Variants in ANGEL2 observed in about 807,000 individuals in gnomAD.
The protein encoded by ANGEL2 is angel homolog 2.
ANGEL2 carries 41 observed loss-of-function variants against 66.0 expected under a neutral mutation model. That is an observed-to-expected ratio of 0.62 (90% CI 0.48 to 0.81). The LOEUF is 0.81. ANGEL2 is among the 30% of genes least tolerant of loss of function. The pLI is 0.00. For missense variants in ANGEL2, 561 were observed against 641.6 expected, an observed-to-expected ratio of 0.87 and a Z score of 1.36; for synonymous variants, 208 against 226.5, an observed-to-expected ratio of 0.92 and a Z score of 0.73.
Position 212,997,267 on chromosome 1 carries a change from AT to A in ANGEL2, c.1370del (p.His457LeufsTer11). On this transcript the variant is annotated frameshift_variant, in exon 8 of 9. Transcript: ENST00000366962. LOFTEE classifies it high-confidence loss of function. The part of the protein sequence containing the change: ...HHFSLSSVYS[H>X]YFPDTGIPEV... ...CTGGAATTCCAGTGTCAGGAAAGTA[AT>A]GTGAATAAACAGATGACAAACTGAA... 6.2e-7 allele frequency: 1 copy of A among 1,613,606 alleles called. No individual in the cohort carries two copies. The highest frequency in any genetic ancestry group is 8.5e-7 in the Non-Finnish European group (1 of 1,179,528).
At position 213,013,490 on chromosome 1, in the gene ANGEL2, TTCC is replaced by T. The variant is rs1334305613; in HGVS notation, c.60-75_60-73del. On this transcript the variant is annotated intron_variant, in intron 1 of 8. Coordinates refer to ENST00000366962, the MANE Select transcript of ANGEL2 (RefSeq NM_144567.5). Reference sequence around the variant, plus strand: ...TATAGTTTACAAAATCTAAGCCTGTTTCCTCAAGGGAAGGTAATGTCTAATATT... The same window carrying T: ...TATAGTTTACAAAATCTAAGCCTGTTTCAAGGGAAGGTAATGTCTAATATT... 28 of 1,352,004 alleles carry T rather than the reference TTCC, an allele frequency of 2.1e-5. No individual in the cohort carries two copies. The Middle Eastern group carries it at 7.5e-4, about 36-fold the overall frequency. The allele number at this position is 1,352,004 out of a possible 1,614,324, so 83.8% of individuals were successfully genotyped here.
At chr1:213,010,644 G>T (rs1485280874) in intron 2 of ANGEL2, among the ~76,000 whole-genome samples, 1 of 151,924 alleles carries the variant, frequency 6.6e-6, no homozygotes, top group Non-Finnish European at 1.5e-5. Context: ...GTCTATGATG[G>T]TTTTAGCCAA....
At chr1:213,014,346 C>T (rs893746221) in intron 1 of ANGEL2, among the ~76,000 whole-genome samples, 6 of 152,154 alleles carry the variant, frequency 3.9e-5, no homozygotes, top group South Asian at 4.1e-4. Flanking sequence ...GTTTAAGTTG[C>T]GTTTACTGTT....
Position 212,994,298 on chromosome 1 carries a change from A to C in ANGEL2, c.*743T>G, listed in dbSNP as rs2075940542. On this transcript the variant is annotated 3_prime_UTR_variant, in exon 9 of 9. Transcript: ENST00000366962. ...ACTCCATCTCAAAAAATAAAATAAA[A>C]TAAAAATAAATAAATAAAAATGCTA... 1 of 152,276 alleles carries C rather than the reference A, an allele frequency of 6.6e-6. No individual in the cohort carries two copies. Among genetic ancestry groups the C allele is most frequent in the African/African-American group, 2.4e-5 (1 of 41,440 alleles). 9.4% of individuals were successfully genotyped at this position (152,276 alleles called of 1,614,324 possible). A position where few individuals can be genotyped will look rare whatever the true frequency, so the allele number is the denominator to read the frequency against.
Position 213,005,180 on chromosome 1 carries a change from CAG to C in ANGEL2, c.985_986del (p.Leu329GlyfsTer22). 2.5e-6 allele frequency: 4 copies of C among 1,614,232 alleles called. No individual in the cohort carries two copies. Among genetic ancestry groups the C allele is most frequent in the Non-Finnish European group, 3.4e-6 (4 of 1,180,034 alleles). ...GGTGGGCAACACTGGAAATCTCTGCCAGTAGCATTGCCAATTGCGTCAGCTTA... is the reference window on the plus strand; with the variant it reads ...GGTGGGCAACACTGGAAATCTCTGCCTAGCATTGCCAATTGCGTCAGCTTA... ...DIKLTQLAML[L>X]AEISSVAHQK... On this transcript the variant is annotated frameshift_variant, in exon 5 of 9. Coordinates refer to ENST00000366962, the MANE Select transcript of ANGEL2 (RefSeq NM_144567.5). LOFTEE classifies it high-confidence loss of function.
intron 7 of ANGEL2, among the ~76,000 whole-genome samples, chr1:212,999,578 T>C (rs985877117): frequency 6.6e-6 from 1 of 152,204 alleles, no homozygotes; most frequent in African/African-American, 2.4e-5. Context: ...TAAATGAGAA[T>C]TGGTCCCTAA....
At chr1:213,005,860 C>A (rs917322150) in intron 4 of ANGEL2, among the ~76,000 whole-genome samples, 1 of 152,128 alleles carries the variant, frequency 6.6e-6, no homozygotes, top group Non-Finnish European at 1.5e-5. Flanking sequence ...AGGGCCTTTC[C>A]CTTGCTATTT....
chr1:212,996,166 G>A (rs1458702963), intron 8 of ANGEL2, among the ~76,000 whole-genome samples: 2 of 152,088 alleles, frequency 1.3e-5, no homozygotes, highest in Non-Finnish European at 2.9e-5. Flanking sequence ...AATTAGCCGG[G>A]CATGGTGGCG....
At position 212,993,004 on chromosome 1, in the gene ANGEL2, T is replaced by C. The variant is rs1196938621; in HGVS notation, c.*2037A>G. The C allele has an allele frequency of 6.6e-6, 1 of 152,180 alleles. No individual in the cohort carries two copies. The highest frequency in any genetic ancestry group is 1.9e-4 in the East Asian group (1 of 5,192). 9.4% of individuals were successfully genotyped at this position (152,180 alleles called of 1,614,324 possible). A position where few individuals can be genotyped will look rare whatever the true frequency, so the allele number is the denominator to read the frequency against. ...GAAATCCTAGAACTATAATTAATAC[T>C]GTAATTAAAATCCCCCCAAAGGCCA... On this transcript the variant is annotated 3_prime_UTR_variant, in exon 9 of 9. Transcript: ENST00000366962.
At chr1:213,009,386 G>T (rs758575984) in intron 2 of ANGEL2, among the ~76,000 whole-genome samples, 31 of 152,134 alleles carry the variant, frequency 2.0e-4, no homozygotes, top group Non-Finnish European at 7.3e-5. Context: ...GAGAATTTAT[G>T]AGTTCAAAAG....
At position 213,013,290 on chromosome 1, in the gene ANGEL2, C is replaced by T. The variant is rs1439933698; in HGVS notation, c.188G>A (p.Arg63Gln). The T allele has an allele frequency of 3.1e-6, 5 of 1,614,094 alleles. No homozygotes were observed. The highest frequency in any genetic ancestry group is 1.6e-4 in the Middle Eastern group (1 of 6,062). Residue 63 changes from arginine to glutamine, a missense_variant, in exon 2 of 9, where the codon CGA becomes CAA. Arg to Gln is a conservative substitution (Grantham distance 43, BLOSUM62 1). Transcript: ENST00000366962. Reference sequence around the variant, plus strand: ...ACTACTGAAGTATGGGTAAGGAGCTCGAGAGTAATGTCCAGGCCACCTCAT... The same window carrying T: ...ACTACTGAAGTATGGGTAAGGAGCTTGAGAGTAATGTCCAGGCCACCTCAT... ...SCMRWPGHYS[R>Q]APYPYFSSRH...
chr1:212,993,926 T>G lies in ANGEL2; in HGVS notation c.*1115A>C, dbSNP rs1250312087. On this transcript the variant is annotated 3_prime_UTR_variant, in exon 9 of 9. Coordinates refer to ENST00000366962, the MANE Select transcript of ANGEL2 (RefSeq NM_144567.5). ...GACAAATTTCCTAATAAAATAAATT[T>G]CTATAGAACTGGTTCAGTAAAATAA... 1 of 152,182 alleles carries G rather than the reference T, an allele frequency of 6.6e-6. No homozygotes were observed. Among genetic ancestry groups the G allele is most frequent in the Non-Finnish European group, 1.5e-5 (1 of 68,046 alleles). 9.4% of individuals were successfully genotyped at this position (152,182 alleles called of 1,614,324 possible).
Position 213,015,817 on chromosome 1 carries a change from A to G in ANGEL2, c.-146T>C. On this transcript the variant is annotated 5_prime_UTR_variant, in exon 1 of 9. Transcript: ENST00000366962. ...GGCTGCAAGGCATGCTGGGAGGTGCAGTCTCGCCGGCCGGCCTACACTCCA... is the reference window on the plus strand; with the variant it reads ...GGCTGCAAGGCATGCTGGGAGGTGCGGTCTCGCCGGCCGGCCTACACTCCA... 1 of 1,061,222 alleles carries G rather than the reference A, an allele frequency of 9.4e-7. No individual in the cohort carries two copies. Among genetic ancestry groups the G allele is most frequent in the Non-Finnish European group, 1.4e-6 (1 of 728,460 alleles). 65.7% of individuals were successfully genotyped at this position (1,061,222 alleles called of 1,614,324 possible).
intron 2 of ANGEL2, among the ~76,000 whole-genome samples, chr1:213,010,097 CA>C (rs2076464207): frequency 6.8e-6 from 1 of 146,128 alleles, no homozygotes; most frequent in African/African-American, 2.5e-5. Flanking sequence ...CCAAACTAAA[CA>C]AAAGTCTTCA....
At position 212,997,143 on chromosome 1, in the gene ANGEL2, T is replaced by A. The variant is rs372540897; in HGVS notation, c.1483+12A>T. On this transcript the variant is annotated intron_variant, in intron 8 of 8. Transcript: ENST00000366962. The stretch of plus-strand genomic sequence containing the variant: ...CTCTCTAGGAGAATTTAAGATTACA[T>A]GCATTCCTTACCTGGGTGCCCAGCA... 1.2e-6 allele frequency: 2 copies of A among 1,609,960 alleles called. No individual in the cohort carries two copies. The highest frequency in any genetic ancestry group is 1.7e-4 in the Middle Eastern group (1 of 6,048).
At chr1:212,999,315 A>G (rs570762016) in intron 7 of ANGEL2, among the ~76,000 whole-genome samples, 25 of 152,336 alleles carry the variant, frequency 1.6e-4, no homozygotes, top group Non-Finnish European at 2.6e-4. Flanking sequence ...CGCCCAGCCA[A>G]TATCTTTTTT....
At chr1:212,996,797 A>G (rs1402039832) in intron 8 of ANGEL2, among the ~76,000 whole-genome samples, 1 of 151,496 alleles carries the variant, frequency 6.6e-6, no homozygotes, top group Non-Finnish European at 1.5e-5. Flanking sequence ...GCACAAAACT[A>G]TGATGACCAT....
At position 212,997,313 on chromosome 1, in the gene ANGEL2, GAC is replaced by G; in HGVS notation, c.1323_1324del (p.Leu441PhefsTer20). ...ACTGAAATGGTGCTGTAAATTTGAA[GAC>G]AATCTAAATAGAAAAGAAGAAGTGT... On this transcript the variant is annotated frameshift_variant, in exon 8 of 9. Coordinates refer to ENST00000366962, the MANE Select transcript of ANGEL2 (RefSeq NM_144567.5). LOFTEE classifies it high-confidence loss of function. 6.2e-7 allele frequency: 1 copy of G among 1,605,248 alleles called. No homozygotes were observed. Among genetic ancestry groups the G allele is most frequent in the Non-Finnish European group, 8.5e-7 (1 of 1,173,254 alleles).
intron 8 of ANGEL2, among the ~76,000 whole-genome samples, chr1:212,996,526 G>A (rs1334440184): frequency 4.0e-5 from 6 of 149,440 alleles, no homozygotes; most frequent in Non-Finnish European, 8.9e-5. Context: ...GGAAGCTGAG[G>A]TGGGAAGGTC....
Sources: allele counts gnomAD v4.1 joint callset (sites outside exome capture counted in the v4.1 genomes callset), GRCh38; gene constraint gnomAD v4.1.1; transcripts MANE v1.5; gene names NCBI Gene and HGNC (gene_info 2026-07-23, HGNC 2026-07-21).